The following HPCAL1 variants were observed in gnomAD, a reference collection of about 807,000 sequenced individuals.
The protein encoded by HPCAL1 is hippocalcin like 1.
A neutral mutation model predicts 17.1 loss-of-function variants in HPCAL1; 8 were observed. The observed-to-expected ratio is 0.47, with a 90% CI of 0.27 to 0.84. HPCAL1 has a LOEUF of 0.84. Ranked by LOEUF, HPCAL1 falls within the 40% of genes least tolerant of loss-of-function variation. The pLI is 0.13. For synonymous variants in HPCAL1, 112 were observed against 111.4 expected (o/e 1.01, Z -0.03); for missense variants, 165 against 271.1 (o/e 0.61, Z 2.75).
rs1002581802 is a variant in HPCAL1 at position 10,394,414 on chromosome 2, T to A, written c.-110-2421T>A. ...CTGTCCAGGTCTTGATTTCTCGGAG[T>A]GTCAAAGCAGTGCGCACGGAGCTGT... On this transcript the variant is annotated intron_variant, in intron 1 of 4. Transcript: ENST00000307845. This position sits in a 1 kb window ranked among gnomAD's most constrained non-coding sequence, Gnocchi z 5.0. Among the ~76,000 whole-genome samples the A allele has an allele frequency of 6.6e-6, 1 of 152,028 alleles. No individual in the cohort carries two copies. The highest frequency in any genetic ancestry group is 2.4e-5 in the African/African-American group (1 of 41,380).
At chr2:10,319,676 G>A (rs1016498079) in intron 1 of HPCAL1, among the ~76,000 whole-genome samples, 1 of 151,992 alleles carries the variant, frequency 6.6e-6, no homozygotes, top group Non-Finnish European at 1.5e-5. Flanking sequence ...GTATCCCTGG[G>A]TAGGGAAAGG....
rs574805411 is a variant in HPCAL1 at position 10,426,916 on chromosome 2, C to G, written c.*95C>G. On this transcript the variant is annotated 3_prime_UTR_variant, in exon 5 of 5. Coordinates refer to ENST00000307845, the MANE Select transcript of HPCAL1 (RefSeq NM_002149.4). ...TGGATGCCCCGCAATCGTTCCTGCT[C>G]TCCCGGGCCCCGGGCCTGGGGCATG... is the stretch of plus-strand genomic sequence containing the variant. 1.6e-6 allele frequency: 2 copies of G among 1,223,314 alleles called. No homozygotes were observed. The highest frequency in any genetic ancestry group is 2.4e-6 in the Non-Finnish European group (2 of 841,230). The allele number at this position is 1,223,314 out of a possible 1,614,324, so 75.8% of individuals were successfully genotyped here.
rs942108376 is a variant in HPCAL1 at position 10,394,054 on chromosome 2, G to T, written c.-110-2781G>T. 3.3e-5 allele frequency among the ~76,000 whole-genome samples: 5 copies of T among 152,020 alleles called. No individual in the cohort carries two copies. Among genetic ancestry groups the T allele is most frequent in the African/African-American group, 1.2e-4 (5 of 41,376 alleles). ...TGCTTGAGCCTGGGAGGTTGAGGCT[G>T]CAGTGAGCTTTGATTGTGCCACTGC... On this transcript the variant is annotated intron_variant, in intron 1 of 4. Coordinates refer to ENST00000307845, the MANE Select transcript of HPCAL1 (RefSeq NM_002149.4). This position sits in a 1 kb window ranked among gnomAD's most constrained non-coding sequence, Gnocchi z 5.0.
At chr2:10,358,568 T>C (rs1417810254) in intron 1 of HPCAL1, among the ~76,000 whole-genome samples, 4 of 151,984 alleles carry the variant, frequency 2.6e-5, no homozygotes, top group Non-Finnish European at 5.9e-5. Context: ...CGGCTGGACA[T>C]TGAGAGGAAC....
At chr2:10,380,183 A>G (rs371559448) in intron 1 of HPCAL1, among the ~76,000 whole-genome samples, 2 of 152,246 alleles carry the variant, frequency 1.3e-5, no homozygotes, top group Non-Finnish European at 2.9e-5. Context: ...AAACAAATGC[A>G]GCTCTCAGTC....
rs1466938455 is a variant in HPCAL1, at chr2:10,323,282, C to T, written c.-111+20105C>T. ...CGTCCAGCCTCTCAAGCTGGCTGCTCCCCTTTCTCAGTTGTCCCCTGTGCC... is the reference window on the plus strand; with the variant it reads ...CGTCCAGCCTCTCAAGCTGGCTGCTTCCCTTTCTCAGTTGTCCCCTGTGCC... On this transcript the variant is annotated intron_variant, in intron 1 of 4. Coordinates refer to ENST00000307845, the MANE Select transcript of HPCAL1 (RefSeq NM_002149.4). The surrounding 1 kb of genome is among the most constrained non-coding windows in gnomAD (Gnocchi z 4.6). Among the ~76,000 whole-genome samples the T allele has an allele frequency of 6.6e-6, 1 of 152,230 alleles. No homozygotes were observed. Among genetic ancestry groups the T allele is most frequent in the Non-Finnish European group, 1.5e-5 (1 of 68,036 alleles).
rs1028035903 is a variant in HPCAL1, at chr2:10,344,103, C to T, written c.-111+40926C>T. On this transcript the variant is annotated intron_variant, in intron 1 of 4. Transcript: ENST00000307845. This position sits in a 1 kb window ranked among gnomAD's most constrained non-coding sequence, Gnocchi z 4.9. ...ATTAAAAACTAAACAAAACACAACA[C>T]GAAAAAGCCAGAACAAAACAAGCAG... Among the ~76,000 whole-genome samples, 5 of 152,140 alleles carry T rather than the reference C, an allele frequency of 3.3e-5. No individual in the cohort carries two copies. The highest frequency in any genetic ancestry group is 6.5e-5 in the Admixed American group (1 of 15,268).
rs1462370753 is a variant in HPCAL1, at chr2:10,354,998, G to A, written c.-110-41837G>A. Among the ~76,000 whole-genome samples the A allele has an allele frequency of 6.6e-6, 1 of 152,246 alleles. No homozygotes were observed. Among genetic ancestry groups the A allele is most frequent in the Non-Finnish European group, 1.5e-5 (1 of 68,042 alleles). On this transcript the variant is annotated intron_variant, in intron 1 of 4. Coordinates refer to ENST00000307845, the MANE Select transcript of HPCAL1 (RefSeq NM_002149.4). This position sits in a 1 kb window ranked among gnomAD's most constrained non-coding sequence, Gnocchi z 5.1. ...GAAGATGAGGAGGATGATGGCCTGTGCCCAGGCAGGTAACAGACTAGCAGA... is the reference window on the plus strand; with the variant it reads ...GAAGATGAGGAGGATGATGGCCTGTACCCAGGCAGGTAACAGACTAGCAGA...
rs765799032 is a variant in HPCAL1, at chr2:10,395,655, T to C, written c.-110-1180T>C. Among the ~76,000 whole-genome samples, 2 of 151,938 alleles carry C rather than the reference T, an allele frequency of 1.3e-5. No homozygotes were observed. The highest frequency in any genetic ancestry group is 2.9e-5 in the Non-Finnish European group (2 of 67,976). On this transcript the variant is annotated intron_variant, in intron 1 of 4. Transcript: ENST00000307845. The surrounding 1 kb of genome is among the most constrained non-coding windows in gnomAD (Gnocchi z 4.4). ...GAGAGAACCTTGCGTTGGGAGAAAG[T>C]AATTAGGGAGTGTGCGGTAGATGCG... is the stretch of plus-strand genomic sequence containing the variant.
chr2:10,347,558 A>C (rs1024971778), intron 1 of HPCAL1, among the ~76,000 whole-genome samples: 10 of 152,146 alleles, frequency 6.6e-5, no homozygotes, highest in Non-Finnish European at 1.3e-4. Context: ...CTGGGGTCCC[A>C]GGAGCTGATC....
intron 2 of HPCAL1, among the ~76,000 whole-genome samples, chr2:10,399,484 T>G (rs867998228): frequency 1.7e-4 from 6 of 34,352 alleles, no homozygotes; most frequent in Middle Eastern, 0.026. Flanking sequence ...ATCACCACCA[T>G]CACCGCCACC....
intron 1 of HPCAL1, among the ~76,000 whole-genome samples, chr2:10,329,778 G>A (rs189081567): frequency 3.9e-5 from 6 of 152,300 alleles, no homozygotes; most frequent in African/African-American, 1.4e-4. Flanking sequence ...GGTGGGCCTG[G>A]GTTGGGGCTC....
Position 10,336,660 on chromosome 2 carries a change from A to G in HPCAL1, c.-111+33483A>G, listed in dbSNP as rs74967855. Among the ~76,000 whole-genome samples, 755 of 152,288 alleles carry G rather than the reference A, an allele frequency of 5.0e-3. 3 individuals are homozygous for G. Among genetic ancestry groups the G allele is most frequent in the Non-Finnish European group, 7.7e-3 (524 of 68,026 alleles). The stretch of plus-strand genomic sequence containing the variant: ...TGCTCTATGACGTTGTCCCTCAGGG[A>G]GCCAGGCTTTCAGAGCAGCCCCATC... On this transcript the variant is annotated intron_variant, in intron 1 of 4. Transcript: ENST00000307845.
At chr2:10,338,859 G>A (rs1664889637) in intron 1 of HPCAL1, among the ~76,000 whole-genome samples, 1 of 152,174 alleles carries the variant, frequency 6.6e-6, no homozygotes, top group Admixed American at 6.5e-5. Context: ...GTGGGGTTTG[G>A]TCATTAATTT....
At chr2:10,317,083 C>T (rs971775084) in intron 1 of HPCAL1, among the ~76,000 whole-genome samples, 2 of 152,188 alleles carry the variant, frequency 1.3e-5, no homozygotes, top group Admixed American at 1.3e-4. Flanking sequence ...AGGTGTGTGT[C>T]CCTGCGGTTT....
chr2:10,335,999 T>A (rs1664692134), intron 1 of HPCAL1, among the ~76,000 whole-genome samples: 1 of 139,984 alleles, frequency 7.1e-6, no homozygotes, highest in Admixed American at 6.9e-5. Context: ...ATTAATTGCA[T>A]GTTCGTATCC....
chr2:10,358,052 G>A (rs1234885354), intron 1 of HPCAL1, among the ~76,000 whole-genome samples: 1 of 152,254 alleles, frequency 6.6e-6, no homozygotes, highest in African/African-American at 2.4e-5. Context: ...CTGTATAGCA[G>A]CCCCGGTGGA....
chr2:10,410,354 C>T (rs1404255850), intron 2 of HPCAL1, among the ~76,000 whole-genome samples: 1 of 151,796 alleles, frequency 6.6e-6, no homozygotes, highest in Non-Finnish European at 1.5e-5. Context: ...CAGGCAATAC[C>T]GACTCTGGGT....
In HPCAL1 at chr2:10,353,206, G is replaced by A. The variant is rs577438649; in HGVS notation, c.-110-43629G>A. On this transcript the variant is annotated intron_variant, in intron 1 of 4. Coordinates refer to ENST00000307845, the MANE Select transcript of HPCAL1 (RefSeq NM_002149.4). ...CTGTCAAATGGGCAGTGTTTTGGGC[G>A]TGCTGGGCACAGGTTTGTCTGAGAA... 1.1e-4 allele frequency among the ~76,000 whole-genome samples: 17 copies of A among 152,304 alleles called. No individual in the cohort carries two copies. In the South Asian group the frequency reaches 1.7e-3, roughly 15 times the overall value.
Sources: allele counts gnomAD v4.1 joint callset (sites outside exome capture counted in the v4.1 genomes callset), GRCh38; gene constraint gnomAD v4.1.1; non-coding constraint Gnocchi (gnomAD v3.1); transcripts MANE v1.5; gene names NCBI Gene and HGNC (gene_info 2026-07-23, HGNC 2026-07-21).